Variants in BTG4 observed in about 807,000 individuals in gnomAD.
BTG4 encodes protein BTG4.
Under a neutral mutation model 19.3 loss-of-function variants are expected in BTG4, and 10 were observed. The ratio of observed to expected loss-of-function variants is 0.52; its 90% CI spans 0.32 to 0.88. The LOEUF (loss-of-function observed/expected upper bound fraction) is 0.88, where lower values mean the gene tolerates loss of function less well. Ranked by LOEUF, BTG4 falls within the 40% of genes least tolerant of loss-of-function variation. BTG4 has a pLI of 0.04. For missense variants in BTG4, 238 were observed against 281.9 expected (o/e 0.84, Z 1.11); for synonymous variants, 91 against 95.7 (o/e 0.95, Z 0.29).
At chr11:111,495,633 C>T (rs1865677679) in intron 4 of BTG4, among the ~76,000 whole-genome samples, 1 of 152,198 alleles carries the variant, frequency 6.6e-6, no homozygotes. Context: ...TGTTCATGAT[C>T]TCTGGGGCCA....
the BTG4 span, chr11:111,396,769 C>G: frequency 1.3e-5 from 2 of 152,276 alleles, no homozygotes; most frequent in South Asian, 4.1e-4. Context: ...GATAATTAAT[C>G]GCATGTTGCT....
At chr11:111,485,463 C>T (rs1026578020) in intron 5 of BTG4, among the ~76,000 whole-genome samples, 2 of 152,122 alleles carry the variant, frequency 1.3e-5, no homozygotes, top group African/African-American at 2.4e-5. Flanking sequence ...ACTTTGGAAA[C>T]TGTACAAACA....
the BTG4 span, among the ~76,000 whole-genome samples, chr11:111,426,660 C>G: frequency 6.6e-6 from 1 of 152,058 alleles, no homozygotes; most frequent in African/African-American, 2.4e-5. Context: ...GGCCTGAATT[C>G]CAGATGATGA....
intron 5 of BTG4, chr11:111,469,714 T>C (rs2135524089): frequency 6.5e-6 from 1 of 152,776 alleles, no homozygotes; most frequent in East Asian, 1.9e-4. Context: ...CAACTATTAT[T>C]TTAAAGCTTT....
the BTG4 span, chr11:111,455,429 G>A: frequency 4.3e-6 from 1 of 232,938 alleles, no homozygotes. Context: ...AGGCCAGCCG[G>A]AGGAGGCACC....
chr11:111,462,471 G>A, the BTG4 span: 1 of 152,518 alleles, frequency 6.6e-6, no homozygotes, highest in African/African-American at 2.4e-5. Flanking sequence ...CCCCACAGCA[G>A]AAATCTCCAG....
chr11:111,437,566 A>G, the BTG4 span, among the ~76,000 whole-genome samples: 5 of 152,224 alleles, frequency 3.3e-5, no homozygotes, highest in Non-Finnish European at 7.3e-5. Flanking sequence ...AGGTTAGGCC[A>G]ATGCCAGTGA....
chr11:111,473,850 G>T (rs1036934443), intron 5 of BTG4, among the ~76,000 whole-genome samples: 1 of 152,036 alleles, frequency 6.6e-6, no homozygotes, highest in Non-Finnish European at 1.5e-5. Context: ...CTAGAACATG[G>T]GTCCACTGTC....
At chr11:111,387,009 A>G in the BTG4 span, among the ~76,000 whole-genome samples, 88 of 151,996 alleles carry the variant, frequency 5.8e-4, no homozygotes, top group Non-Finnish European at 1.0e-3. Flanking sequence ...CATTGTTTAA[A>G]CTCTCCTAGC....
chr11:111,453,107 T>C, the BTG4 span, among the ~76,000 whole-genome samples: 2 of 152,048 alleles, frequency 1.3e-5, no homozygotes, highest in Admixed American at 6.6e-5. Flanking sequence ...GAGACTAAAA[T>C]GGGATGGCCT....
chr11:111,390,813 T>A, the BTG4 span, among the ~76,000 whole-genome samples: 1 of 152,206 alleles, frequency 6.6e-6, no homozygotes, highest in South Asian at 2.1e-4. Flanking sequence ...AGACCATTTA[T>A]CTTCCCAAAA....
the BTG4 span, among the ~76,000 whole-genome samples, chr11:111,452,024 G>T: frequency 6.6e-6 from 1 of 152,158 alleles, no homozygotes; most frequent in Admixed American, 6.5e-5. Flanking sequence ...CCTCCACTTT[G>T]TCTCCCCCCG....
At chr11:111,442,150 T>C in the BTG4 span, among the ~76,000 whole-genome samples, 1 of 151,852 alleles carries the variant, frequency 6.6e-6, no homozygotes, top group Non-Finnish European at 1.5e-5. Context: ...CATTCTCCAA[T>C]AAAAAGGAAC....
intron 1 of BTG4, among the ~76,000 whole-genome samples, chr11:111,511,553 A>T (rs1054655409): frequency 6.6e-6 from 1 of 152,244 alleles, no homozygotes. Context: ...TACTGGATGC[A>T]TGAAGACCAT....
chr11:111,475,732 GTATCATGCCCTGTATT>G (rs1399960343), intron 5 of BTG4, among the ~76,000 whole-genome samples: 1 of 152,094 alleles, frequency 6.6e-6, no homozygotes, highest in African/African-American at 2.4e-5. Context: ...GGATAATTCT[GTATCATGCCCTGTATT>G]TATCTGTTCT....
downstream of BTG4, chr11:111,462,914 T>C (rs1398059117): frequency 6.5e-6 from 1 of 152,694 alleles, no homozygotes; most frequent in Non-Finnish European, 1.5e-5. Context: ...TCCCACATCA[T>C]CAGATGTGGC....
chr11:111,504,116 A>G (rs992046492), intron 1 of BTG4, among the ~76,000 whole-genome samples: 2 of 152,198 alleles, frequency 1.3e-5, no homozygotes, highest in Non-Finnish European at 2.9e-5. Flanking sequence ...CTCCATTCAC[A>G]AATACATGTT....
chr11:111,461,717 A>G, the BTG4 span, among the ~76,000 whole-genome samples: 2 of 152,204 alleles, frequency 1.3e-5, no homozygotes, highest in Non-Finnish European at 2.9e-5. Flanking sequence ...CCGTCTCAAA[A>G]ATAAATAAAT....
At chr11:111,433,829 G>A in the BTG4 span, among the ~76,000 whole-genome samples, 1 of 152,216 alleles carries the variant, frequency 6.6e-6, no homozygotes, top group Non-Finnish European at 1.5e-5. Flanking sequence ...TCAGAGAAAT[G>A]CAAATCAAAA....
Sources: allele counts gnomAD v4.1 joint callset (sites outside exome capture counted in the v4.1 genomes callset), GRCh38; gene constraint gnomAD v4.1.1; transcripts MANE v1.5; gene names NCBI Gene and HGNC (gene_info 2026-07-23, HGNC 2026-07-21).